ACACA: variants seen among roughly 807,000 people sequenced by gnomAD.
ACACA encodes acetyl-CoA carboxylase 1.
In ACACA, 103 loss-of-function variants were observed where a neutral mutation model predicts 296.1. The observed-to-expected ratio is 0.35, with a 90% CI of 0.30 to 0.41. ACACA has a LOEUF of 0.41. Ranked by LOEUF, ACACA falls within the 10% of genes least tolerant of loss-of-function variation. The pLI, the probability that ACACA is intolerant of heterozygous loss-of-function variation, is 1.00. For missense variants in ACACA, 1,554 were observed against 2,989.7 expected, an observed-to-expected ratio of 0.52 and a Z score of 11.20; for synonymous variants, 953 against 1,038.6, an observed-to-expected ratio of 0.92 and a Z score of 1.58.
chr17:37,313,902 T>C (rs999797802), intron 3 of ACACA, among the ~76,000 whole-genome samples: 1 of 152,012 alleles, frequency 6.6e-6, no homozygotes, highest in Non-Finnish European at 1.5e-5. Flanking sequence ...ATATCTACAC[T>C]CCCATGTTTA....
chr17:37,099,525 AT>A (rs2073206923), intron 52 of ACACA, among the ~76,000 whole-genome samples: 13 of 141,206 alleles, frequency 9.2e-5, no homozygotes, highest in Admixed American at 7.0e-4. Flanking sequence ...AGGAGGGCTG[AT>A]GGGAGGAGGG....
At chr17:37,282,558 G>GA (rs2082587991) in intron 5 of ACACA, among the ~76,000 whole-genome samples, 3 of 152,070 alleles carry the variant, frequency 2.0e-5, no homozygotes, top group South Asian at 2.1e-4. Context: ...TCTCAACAAA[G>GA]AAAAAACATA....
chr17:37,219,345 C>A (rs188453221), intron 29 of ACACA, among the ~76,000 whole-genome samples: 1 of 152,114 alleles, frequency 6.6e-6, no homozygotes, highest in Non-Finnish European at 1.5e-5. Context: ...GCGTCTCGTG[C>A]TTTTGGCTGA....
intron 41 of ACACA, among the ~76,000 whole-genome samples, chr17:37,173,982 T>TATATATATATA (rs2076973842): frequency 5.1e-5 from 1 of 19,450 alleles, no homozygotes; most frequent in African/African-American, 1.7e-4. Flanking sequence ...CCTGGCTAAT[T>TATATATATATA]TATATATATA....
intron 45 of ACACA, among the ~76,000 whole-genome samples, chr17:37,135,923 T>A (rs1424974660): frequency 6.6e-6 from 1 of 151,732 alleles, no homozygotes; most frequent in Admixed American, 6.6e-5. Context: ...TTTTTTTTTT[T>A]TTTTTGTAGA....
chr17:37,210,400 C>G, intron 30 of ACACA, 67 bp downstream of exon 30: 1 of 1,377,134 alleles, frequency 7.3e-7, no homozygotes, highest in Admixed American at 1.8e-5. Flanking sequence ...TTTTTTTTTT[C>G]CTGGTTTCAC....
chr17:37,272,248 C>A (rs1799806109), intron 9 of ACACA, among the ~76,000 whole-genome samples: 1 of 152,062 alleles, frequency 6.6e-6, no homozygotes, highest in Non-Finnish European at 1.5e-5. Flanking sequence ...GAGGCTGAGG[C>A]AGGAGAATCA....
intron 9 of ACACA, among the ~76,000 whole-genome samples, chr17:37,271,250 T>G (rs1015044165): frequency 1.3e-5 from 2 of 152,222 alleles, no homozygotes; most frequent in Non-Finnish European, 2.9e-5. Flanking sequence ...GCACAGTGGC[T>G]AACGCCTGTA....
At chr17:37,312,121 T>C (rs2084178647) in intron 3 of ACACA, among the ~76,000 whole-genome samples, 1 of 151,920 alleles carries the variant, frequency 6.6e-6, no homozygotes, top group South Asian at 2.1e-4. Flanking sequence ...CCTCCAAGGG[T>C]AAATGGAATT....
Position 37,111,536 on chromosome 17 carries a change from C to T in ACACA, c.6560G>A (p.Arg2187Gln), listed in dbSNP as rs764725252. The T allele has an allele frequency of 3.0e-5, 48 of 1,612,688 alleles. No individual in the cohort carries two copies. The highest frequency in any genetic ancestry group is 1.6e-4 in the Middle Eastern group (1 of 6,078). ...VDPVYIHLAE[R>Q]LGTPELSTAE... ...AGAAGGACAAGCAGACATACCCAAT[C>T]GCTCAGCCAAGTGGATGTAGACTGG... The change falls in exon 52 of 56, where the codon CGA becomes CAA. Residue 2187 changes from arginine (R) to glutamine (Q), a missense_variant. By Grantham distance (43) the Arg-to-Gln change is conservative. This residue lies in a region of ACACA where 553 missense variants were observed against 1,043.6 expected (regional missense o/e 0.53). Coordinates refer to ENST00000616317, the MANE Select transcript of ACACA (RefSeq NM_198834.3).
chr17:37,388,152 T>C (rs1452072108), intron 1 of ACACA, among the ~76,000 whole-genome samples: 1 of 151,850 alleles, frequency 6.6e-6, no homozygotes, highest in Non-Finnish European at 1.5e-5. Context: ...AGTGCCAGAG[T>C]GAGAAAAAAA....
Position 37,097,407 on chromosome 17 carries a change from T to C in ACACA, c.6721-241A>G, listed in dbSNP as rs945161498. ...GGCTAATGCTGATCCCACACATGGC[T>C]GAGATGTTCTGGGGAAGAGGCTGTG... On this transcript the variant is annotated intron_variant, in intron 53 of 55. Transcript: ENST00000616317. This position sits in a 1 kb window ranked among gnomAD's most constrained non-coding sequence, Gnocchi z 4.8. Among the ~76,000 whole-genome samples, 2 of 152,186 alleles carry C rather than the reference T, an allele frequency of 1.3e-5. No individual in the cohort carries two copies. Among genetic ancestry groups the C allele is most frequent in the African/African-American group, 4.8e-5 (2 of 41,446 alleles).
At chr17:37,103,609 T>C (rs1421246187) in intron 52 of ACACA, among the ~76,000 whole-genome samples, 1 of 152,108 alleles carries the variant, frequency 6.6e-6, no homozygotes, top group East Asian at 1.9e-4. Flanking sequence ...GGTGCTCCCA[T>C]CCTTTCCTAT....
chr17:37,242,113 A>G, intron 22 of ACACA, 60 bp from the exon 23 acceptor site: 3 of 1,242,654 alleles, frequency 2.4e-6, no homozygotes. Context: ...CCAAAGCATC[A>G]GCCTCTATAG....
At chr17:37,143,234 A>G (rs923871356) in intron 45 of ACACA, among the ~76,000 whole-genome samples, 1 of 152,066 alleles carries the variant, frequency 6.6e-6, no homozygotes, top group Non-Finnish European at 1.5e-5. Flanking sequence ...CTAATAAAAA[A>G]ATTGTAATTT....
chr17:37,403,840 G>A (rs936682846), intron 1 of ACACA, among the ~76,000 whole-genome samples: 1 of 151,932 alleles, frequency 6.6e-6, no homozygotes, highest in Non-Finnish European at 1.5e-5. Context: ...GGGCAGTGGT[G>A]CGATTTCAGC....
intron 48 of ACACA, among the ~76,000 whole-genome samples, chr17:37,123,747 A>G (rs2074635811): frequency 6.6e-6 from 1 of 152,160 alleles, no homozygotes; most frequent in Non-Finnish European, 1.5e-5. Flanking sequence ...CGAGCAGGAG[A>G]TACACAGGAG....
chr17:37,130,165 A>G lies in ACACA; in HGVS notation c.5733T>C (p.Ile1911=), dbSNP rs761547841. ...TSNNQLGGIQ[I]MHNNGVTHCT... is the part of the protein sequence containing the mutation. The stretch of plus-strand genomic sequence containing the variant: ...AGTGGGTCACCCCATTGTTGTGCAT[A>G]ATCTGGATGCCCCCCAGCTGGTTAT... Residue 1911 remains isoleucine, a synonymous_variant, in exon 46 of 56, where the codon ATT becomes ATC. Coordinates refer to ENST00000616317, the MANE Select transcript of ACACA (RefSeq NM_198834.3). The G allele has an allele frequency of 6.2e-7, 1 of 1,614,170 alleles. No homozygotes were observed. Among genetic ancestry groups the G allele is most frequent in the South Asian group, 1.1e-5 (1 of 91,086 alleles).
At chr17:37,403,631 G>C (rs553047740) in intron 1 of ACACA, among the ~76,000 whole-genome samples, 3 of 152,104 alleles carry the variant, frequency 2.0e-5, no homozygotes, top group African/African-American at 7.2e-5. Flanking sequence ...GCCTACCTTG[G>C]CTTCCCAAAA....
Sources: gnomAD v4.1 joint callset for allele counts (sites outside exome capture counted in the v4.1 genomes callset) on GRCh38, gnomAD v4.1.1 for gene constraint, gnomAD v4.1.1 regional missense constraint, Gnocchi (gnomAD v3.1) non-coding constraint, MANE v1.5 for transcripts, NCBI Gene and HGNC (gene_info 2026-07-23, HGNC 2026-07-21) for gene names.